The following HP1BP3 variants were observed in gnomAD, a reference collection of about 807,000 sequenced individuals.
HP1BP3 encodes the protein heterochromatin protein 1-binding protein 3.
Under a neutral mutation model 62.5 loss-of-function variants are expected in HP1BP3, and 12 were observed. The ratio of observed to expected loss-of-function variants is 0.19; its 90% CI spans 0.12 to 0.31. The LOEUF is 0.31. Among genes scored for constraint, HP1BP3 ranks in the 10% least tolerant of loss-of-function variants. HP1BP3 has a pLI of 1.00. For missense variants in HP1BP3, 502 were observed against 651.8 expected (o/e 0.77, Z 2.50); for synonymous variants, 260 against 237.8 (o/e 1.09, Z -0.86).
At chr1:20,778,011 C>G in intron 3 of HP1BP3, among the ~76,000 whole-genome samples, 1 of 152,186 alleles carries the variant, frequency 6.6e-6, no homozygotes, top group East Asian at 1.9e-4. Flanking sequence ...ATATCTTTTA[C>G]TGCCCCTCAA....
At chr1:20,750,077 A>T in intron 9 of HP1BP3, 195 bp from the exon 10 acceptor site, 1 of 1,120,744 alleles carries the variant, frequency 8.9e-7, no homozygotes, top group Non-Finnish European at 1.2e-6. Flanking sequence ...CAACCCTCCT[A>T]TGGATATTTT....
chr1:20,757,891 A>G (rs917227569), intron 8 of HP1BP3, among the ~76,000 whole-genome samples: 9 of 151,954 alleles, frequency 5.9e-5, no homozygotes, highest in Admixed American at 5.2e-4. Flanking sequence ...CACGCTTGTA[A>G]TCCCAATACT....
At chr1:20,783,458 G>A (rs1023278840) in intron 1 of HP1BP3, among the ~76,000 whole-genome samples, 1 of 152,022 alleles carries the variant, frequency 6.6e-6, no homozygotes, top group Admixed American at 6.5e-5. Flanking sequence ...GGCGGAGGTT[G>A]CAGTGACCTG....
In HP1BP3 at chr1:20,757,209, T is replaced by C; in HGVS notation, c.938A>G (p.Gln313Arg). Residue 313 changes from glutamine to arginine, a missense_variant, in exon 9 of 13, where the codon CAG becomes CGG. Physicochemically the swap from Gln to Arg is conservative, Grantham distance 43. Around this residue, in one of 5 missense-constraint regions of HP1BP3, gnomAD observed 111 missense variants for 242.0 expected, o/e 0.46. Transcript: ENST00000438032. Reference protein sequence around the residue: ...NALQRAVERGQLEQITGKGAS... With the variant: ...NALQRAVERGRLEQITGKGAS... Reference sequence around the variant, plus strand: ...ACCTTTGCCAGTTATCTGTTCTAACTGGCCCCTCTCTACTGCTCTCTGCAG... The same window carrying C: ...ACCTTTGCCAGTTATCTGTTCTAACCGGCCCCTCTCTACTGCTCTCTGCAG... 2 of 1,613,390 alleles carry C rather than the reference T, an allele frequency of 1.2e-6. No individual in the cohort carries two copies. Among genetic ancestry groups the C allele is most frequent in the Non-Finnish European group, 1.7e-6 (2 of 1,179,654 alleles).
chr1:20,761,541 A>AAGAG (rs145245422), intron 8 of HP1BP3, among the ~76,000 whole-genome samples: 149,152 of 152,154 alleles, frequency 0.98, 73,159 homozygotes, highest in Middle Eastern at 1. Flanking sequence ...AGTGGGGATC[A>AAGAG]TTAAATGTTT....
In HP1BP3 at chr1:20,741,140, A is replaced by G. The variant is rs1415638656; in HGVS notation, c.*3657T>C. Among the ~76,000 whole-genome samples, 1 of 152,256 alleles carries G rather than the reference A, an allele frequency of 6.6e-6. No homozygotes were observed. The highest frequency in any genetic ancestry group is 1.5e-5 in the Non-Finnish European group (1 of 68,050). On this transcript the variant is annotated 3_prime_UTR_variant, in exon 13 of 13. Coordinates refer to ENST00000438032, the MANE Select transcript of HP1BP3 (RefSeq NM_001372052.1). The stretch of plus-strand genomic sequence containing the variant: ...GAATTTCTTTTCTTTCATAGCTAAA[A>G]TTAGAATTTTTGCTTAATCCAAAGA...
At chr1:20,782,083 C>T (rs914937739) in intron 1 of HP1BP3, among the ~76,000 whole-genome samples, 5 of 152,172 alleles carry the variant, frequency 3.3e-5, no homozygotes, top group Non-Finnish European at 7.3e-5. Context: ...ACTAGCTAGG[C>T]TGAAAATGCT....
In HP1BP3 at chr1:20,744,603, GA is replaced by G; in HGVS notation, c.*193del. ...TATTGCAGAAATTAAAATGAACAAG[GA>G]AAAGGGCAGGCACCAATAAAAGCAC... is the stretch of plus-strand genomic sequence containing the variant. On this transcript the variant is annotated 3_prime_UTR_variant, in exon 13 of 13. Transcript: ENST00000438032. 2 of 573,640 alleles carry G rather than the reference GA, an allele frequency of 3.5e-6. No individual in the cohort carries two copies. Among genetic ancestry groups the G allele is most frequent in the Admixed American group, 3.3e-5 (1 of 29,894 alleles). The allele number at this position is 573,640 out of a possible 1,614,324, so 35.5% of individuals were successfully genotyped here.
In HP1BP3 at chr1:20,741,146, A is replaced by G. The variant is rs1407859418; in HGVS notation, c.*3651T>C. 2.6e-5 allele frequency among the ~76,000 whole-genome samples: 4 copies of G among 152,338 alleles called. No homozygotes were observed. Among genetic ancestry groups the G allele is most frequent in the Non-Finnish European group, 5.9e-5 (4 of 68,032 alleles). ...CTTTTCTTTCATAGCTAAAATTAGAATTTTTGCTTAATCCAAAGAAAGATA... is the reference window on the plus strand; with the variant it reads ...CTTTTCTTTCATAGCTAAAATTAGAGTTTTTGCTTAATCCAAAGAAAGATA... On this transcript the variant is annotated 3_prime_UTR_variant, in exon 13 of 13. Transcript: ENST00000438032.
At chr1:20,786,436 G>C (rs541943159) in intron 1 of HP1BP3, 2 of 152,338 alleles carry the variant, frequency 1.3e-5, no homozygotes, top group African/African-American at 4.8e-5. Flanking sequence ...AGCGAGGCGA[G>C]GTAGCTACAG....
chr1:20,752,947 G>A (rs552905465), intron 9 of HP1BP3, among the ~76,000 whole-genome samples: 5 of 147,932 alleles, frequency 3.4e-5, no homozygotes, highest in Admixed American at 6.7e-5. Context: ...CTTGGAACAC[G>A]TTTTTTTTTT....
intron 5 of HP1BP3, among the ~76,000 whole-genome samples, chr1:20,772,526 C>T (rs564212884): frequency 2.0e-5 from 3 of 151,870 alleles, no homozygotes; most frequent in African/African-American, 7.2e-5. Context: ...CATAAGAAGT[C>T]TTGAAGGAGT....
intron 10 of HP1BP3, 119 bp from the exon 11 acceptor site, chr1:20,747,774 T>G: frequency 3.1e-6 from 2 of 637,650 alleles, no homozygotes; most frequent in Admixed American, 5.8e-5. Flanking sequence ...TGACATACAC[T>G]AAGTGAATCC....
chr1:20,758,043 G>A lies in HP1BP3; in HGVS notation c.891-787C>T, dbSNP rs528216931. Among the ~76,000 whole-genome samples the A allele has an allele frequency of 1.1e-4, 16 of 152,222 alleles. No homozygotes were observed. In the East Asian group the frequency reaches 3.1e-3, roughly 30 times the overall value. On this transcript the variant is annotated intron_variant, in intron 8 of 12. Coordinates refer to ENST00000438032, the MANE Select transcript of HP1BP3 (RefSeq NM_001372052.1). ...CAACTGTAGTCCCAGCTACTCAGGA[G>A]GCTGAAGCAGGAGAATCATTTGAAC... is the stretch of plus-strand genomic sequence containing the variant.
At position 20,759,434 on chromosome 1, in the gene HP1BP3, T is replaced by C. The variant is rs552578165; in HGVS notation, c.891-2178A>G. On this transcript the variant is annotated intron_variant, in intron 8 of 12. Transcript: ENST00000438032. ...AAAAAAAAGAATGATTTAAGTATGATGGTTAATGTTCTCTATCCTTCTTTG... is the reference window on the plus strand; with the variant it reads ...AAAAAAAAGAATGATTTAAGTATGACGGTTAATGTTCTCTATCCTTCTTTG... 3.3e-5 allele frequency among the ~76,000 whole-genome samples: 5 copies of C among 152,352 alleles called. No homozygotes were observed. The East Asian group carries it at 5.8e-4, about 18-fold the overall frequency.
intron 5 of HP1BP3, 104 bp from the exon 6 acceptor site, chr1:20,771,177 A>G (rs1165400772): frequency 2.2e-6 from 2 of 907,996 alleles, no homozygotes; most frequent in East Asian, 2.6e-5. Flanking sequence ...ATAGATGACA[A>G]AAACGGTAGG....
At chr1:20,770,890 A>T in intron 6 of HP1BP3, 40 bp downstream of exon 6, 1 of 1,482,864 alleles carries the variant, frequency 6.7e-7, no homozygotes, top group East Asian at 2.4e-5. Flanking sequence ...TAAAGCTAAT[A>T]CACAATGAAA....
At chr1:20,772,842 G>A (rs57295735) in intron 5 of HP1BP3, among the ~76,000 whole-genome samples, 2,978 of 152,204 alleles carry the variant, frequency 0.02, 27 homozygotes, top group Non-Finnish European at 0.024. Context: ...AATTAAAATA[G>A]GAAAACTACA....
intron 10 of HP1BP3, among the ~76,000 whole-genome samples, chr1:20,748,869 C>T (rs1190239586): frequency 6.6e-6 from 1 of 152,148 alleles, no homozygotes; most frequent in Non-Finnish European, 1.5e-5. Flanking sequence ...AACATTGTGC[C>T]TCTTCTAATA....
Sources: gnomAD v4.1 joint callset for allele counts (sites outside exome capture counted in the v4.1 genomes callset) on GRCh38, gnomAD v4.1.1 for gene constraint, gnomAD v4.1.1 regional missense constraint, MANE v1.5 for transcripts, NCBI Gene and HGNC (gene_info 2026-07-23, HGNC 2026-07-21) for gene names.